The following ZNF81 variants were observed in gnomAD, a reference collection of about 807,000 sequenced individuals.
ZNF81 encodes the protein zinc finger protein 81 (HFZ20).
ZNF81 carries 5 observed loss-of-function variants against 32.3 expected under a neutral mutation model. The observed-to-expected ratio is 0.15, with a 90% CI of 0.08 to 0.33. The LOEUF is 0.33. ZNF81 is among the 10% of genes least tolerant of loss of function. The probability of loss-of-function intolerance (pLI) is 1.00; values close to 1 mark genes in which losing one functional copy is unlikely to be tolerated. For missense variants in ZNF81, 379 were observed against 479.8 expected (o/e 0.79, Z 1.96); for synonymous variants, 163 against 166.8 (o/e 0.98, Z 0.17).
intron 1 of ZNF81, among the ~76,000 whole-genome samples, chrX:47,840,461 C>T (rs1431869532): frequency 9.1e-6 from 1 of 110,287 alleles, no homozygotes; most frequent in Non-Finnish European, 1.9e-5. Flanking sequence ...TTGCCATGAA[C>T]ATAAGCTACT....
At chrX:47,889,313 T>A (rs1556886216) in intron 3 of ZNF81, among the ~76,000 whole-genome samples, 2 of 112,422 alleles carry the variant, frequency 1.8e-5, no homozygotes, top group African/African-American at 6.5e-5. Context: ...GCTGTTGGAC[T>A]TCTGGGATTC....
At position 47,916,161 on chromosome X, in the gene ZNF81, G is replaced by A; in HGVS notation, c.1515G>A (p.Lys505=). Reference sequence around the variant, plus strand: ...CCTATATATGCACTGAATGTGGGAAGGCTTTCACCAACAGGTCAAATCTCA... The same window carrying A: ...CCTATATATGCACTGAATGTGGGAAAGCTTTCACCAACAGGTCAAATCTCA... ...EKPYICTECG[K]AFTNRSNLNT... The change falls in exon 5 of 5, where the codon AAG becomes AAA. Residue 505 remains lysine, a synonymous_variant. Transcript: ENST00000338637. 8.3e-7 allele frequency: 1 copy of A among 1,211,365 alleles called. No individual in the cohort carries two copies. Among genetic ancestry groups the A allele is most frequent in the Non-Finnish European group, 1.1e-6 (1 of 895,392 alleles).
At chrX:47,877,613 G>C (rs1183687347) in intron 2 of ZNF81, among the ~76,000 whole-genome samples, 1 of 111,851 alleles carries the variant, frequency 8.9e-6, no homozygotes, top group African/African-American at 3.3e-5. Flanking sequence ...GGATGCCTCA[G>C]TTCTACAGCC....
At position 47,888,513 on chromosome X, in the gene ZNF81, C is replaced by T. The variant is rs140656849; in HGVS notation, c.181+388C>T. Among the ~76,000 whole-genome samples the T allele has an allele frequency of 3.2e-3, 354 of 111,093 alleles. 1 individual carries two copies. Among genetic ancestry groups the T allele is most frequent in the African/African-American group, 0.011 (346 of 30,595 alleles). ...AAGAGAGGCCTGGAACAGTTCCTTC[C>T]CTAGCACCTTCAAAGAGAGTATGGC... On this transcript the variant is annotated intron_variant, in intron 3 of 4. Coordinates refer to ENST00000338637, the MANE Select transcript of ZNF81 (RefSeq NM_007137.5).
chrX:47,916,451 G>A lies in ZNF81; in HGVS notation c.1805G>A (p.Arg602Gln). 1 of 1,210,769 alleles carries A rather than the reference G, an allele frequency of 8.3e-7. No homozygotes were observed. The change falls in exon 5 of 5, where the codon CGA becomes CAA. Residue 602 changes from arginine to glutamine, a missense_variant. Arg to Gln is a conservative substitution (Grantham distance 43). This residue lies in a region of ZNF81 where 102 missense variants were observed against 173.2 expected (regional missense o/e 0.59). Transcript: ENST00000338637. ...AAACCACATCTCAAAGTACATCAAC[G>A]AATTCACACAGGGGAGAAACCATAT... ...SKKPHLKVHQRIHTGEKPYIC... is the reference protein window; with the variant it reads ...SKKPHLKVHQQIHTGEKPYIC...
chrX:47,855,249 T>C (rs2058512236), intron 2 of ZNF81, among the ~76,000 whole-genome samples: 1 of 110,578 alleles, frequency 9.0e-6, no homozygotes, highest in Non-Finnish European at 1.9e-5. Context: ...ATAATAATAA[T>C]GAAAATGTTT....
In ZNF81 at chrX:47,920,508, T is replaced by C. The variant is rs1269079663; in HGVS notation, c.*3876T>C. 3.6e-5 allele frequency: 4 copies of C among 110,546 alleles called. No homozygotes were observed. The highest frequency in any genetic ancestry group is 1.3e-4 in the African/African-American group (4 of 30,364). 9.1% of individuals were successfully genotyped at this position (110,546 alleles called of 1,213,427 possible). On this transcript the variant is annotated 3_prime_UTR_variant, in exon 5 of 5. Coordinates refer to ENST00000338637, the MANE Select transcript of ZNF81 (RefSeq NM_007137.5). ...GGCCCAGGATGATTTCCTGCCCTTTTATCATGGGTGGAATTTTTTTTTCCA... is the reference window on the plus strand; with the variant it reads ...GGCCCAGGATGATTTCCTGCCCTTTCATCATGGGTGGAATTTTTTTTTCCA...
intron 4 of ZNF81, among the ~76,000 whole-genome samples, chrX:47,899,889 A>C (rs1556887701): frequency 9.0e-6 from 1 of 110,815 alleles, no homozygotes. Flanking sequence ...CTGAGAGCAT[A>C]CTCTTTATGA....
chrX:47,919,438 C>A lies in ZNF81; in HGVS notation c.*2806C>A. 1 of 207,623 alleles carries A rather than the reference C, an allele frequency of 4.8e-6. No individual in the cohort carries two copies. The highest frequency in any genetic ancestry group is 9.1e-6 in the Non-Finnish European group (1 of 110,320). The allele number at this position is 207,623 out of a possible 1,213,427, so 17.1% of individuals were successfully genotyped here. A position where few individuals can be genotyped will look rare whatever the true frequency, so the allele number is the denominator to read the frequency against. ...TTTGATTCTTACAATTTTCATATAT[C>A]TGCTGAAATTCCCCATCTTTTCATG... On this transcript the variant is annotated 3_prime_UTR_variant, in exon 5 of 5. Coordinates refer to ENST00000338637, the MANE Select transcript of ZNF81 (RefSeq NM_007137.5).
rs1556892310 is a variant in ZNF81 at position 47,923,610 on chromosome X, T to C, written c.*6978T>C. On this transcript the variant is annotated 3_prime_UTR_variant, in exon 5 of 5. Coordinates refer to ENST00000338637, the MANE Select transcript of ZNF81 (RefSeq NM_007137.5). The stretch of plus-strand genomic sequence containing the variant: ...TGATGAATGCTATTTTGGAAGTAAA[T>C]TTAAACAAAGCAATTGAGCAAACTC... Among the ~76,000 whole-genome samples, 1 of 111,925 alleles carries C rather than the reference T, an allele frequency of 8.9e-6. No individual in the cohort carries two copies. Among genetic ancestry groups the C allele is most frequent in the African/African-American group, 3.3e-5 (1 of 30,741 alleles).
chrX:47,879,834 C>T (rs1556884944), intron 2 of ZNF81, among the ~76,000 whole-genome samples: 1 of 111,799 alleles, frequency 8.9e-6, no homozygotes, highest in African/African-American at 3.3e-5. Context: ...CTCTCAAGTC[C>T]CTTTTAATCT....
intron 2 of ZNF81, among the ~76,000 whole-genome samples, chrX:47,858,673 T>C (rs1175679708): frequency 8.9e-6 from 1 of 111,818 alleles, no homozygotes; most frequent in Non-Finnish European, 1.9e-5. Flanking sequence ...TCTGAATCTT[T>C]GTTCATTTTT....
rs1369304354 is a variant in ZNF81 at position 47,919,348 on chromosome X, C to T, written c.*2716C>T. On this transcript the variant is annotated 3_prime_UTR_variant, in exon 5 of 5. Transcript: ENST00000338637. Reference sequence around the variant, plus strand: ...TCTCACCCTGGCTTTGTCAAGTCTACTGCTGAACCCATTGAAGGCATTCTT... The same window carrying T: ...TCTCACCCTGGCTTTGTCAAGTCTATTGCTGAACCCATTGAAGGCATTCTT... The T allele has an allele frequency of 1.9e-5, 4 of 209,544 alleles. No individual in the cohort carries two copies. Among genetic ancestry groups the T allele is most frequent in the African/African-American group, 1.2e-4 (4 of 33,961 alleles). 17.3% of individuals were successfully genotyped at this position (209,544 alleles called of 1,213,427 possible).
chrX:47,855,926 G>T lies in ZNF81; in HGVS notation c.54+9605G>T, dbSNP rs190351671. On this transcript the variant is annotated intron_variant, in intron 2 of 4. Transcript: ENST00000338637. The stretch of plus-strand genomic sequence containing the variant: ...TAGCCAGGCGTGATGGTGCACGCCT[G>T]TAATCCCACCTACCCAGGAGGCTGA... Among the ~76,000 whole-genome samples, 181 of 107,943 alleles carry T rather than the reference G, an allele frequency of 1.7e-3. No homozygotes were observed. The Middle Eastern group carries it at 0.024, about 14-fold the overall frequency. 93.7% of individuals were successfully genotyped at this position (107,943 alleles called of 115,157 possible). A position where few individuals can be genotyped will look rare whatever the true frequency, so the allele number is the denominator to read the frequency against.
chrX:47,869,685 T>C lies in ZNF81; in HGVS notation c.55-18314T>C, dbSNP rs1232863024. On this transcript the variant is annotated intron_variant, in intron 2 of 4. Coordinates refer to ENST00000338637, the MANE Select transcript of ZNF81 (RefSeq NM_007137.5). ...GTATTTTTTGTTTTTTTTTATTTTG[T>C]TTTGTTTTGTTTTGTTTTCCCTTTT... Among the ~76,000 whole-genome samples the C allele has an allele frequency of 2.7e-5, 3 of 110,543 alleles. No homozygotes were observed. The East Asian group carries it at 8.5e-4, about 31-fold the overall frequency.
chrX:47,882,120 C>T (rs907852642), intron 2 of ZNF81, among the ~76,000 whole-genome samples: 1 of 110,665 alleles, frequency 9.0e-6, no homozygotes, highest in South Asian at 3.8e-4. Context: ...TACTGAATTG[C>T]CCAGATCTTA....
intron 2 of ZNF81, among the ~76,000 whole-genome samples, chrX:47,862,027 A>T (rs1008254156): frequency 1.8e-5 from 2 of 111,369 alleles, no homozygotes; most frequent in Non-Finnish European, 3.8e-5. Context: ...GGTACACATA[A>T]ATAACAAGCC....
rs1556892543 is a variant in ZNF81 at position 47,925,598 on chromosome X, A to G, written c.*8966A>G. 8.9e-6 allele frequency among the ~76,000 whole-genome samples: 1 copy of G among 112,366 alleles called. No individual in the cohort carries two copies. Among genetic ancestry groups the G allele is most frequent in the Non-Finnish European group, 1.9e-5 (1 of 53,228 alleles). On this transcript the variant is annotated 3_prime_UTR_variant, in exon 5 of 5. Coordinates refer to ENST00000338637, the MANE Select transcript of ZNF81 (RefSeq NM_007137.5). ...GTATTTCCAGCTTTTGGCTATTACAAATAAAACTGATGTGAACATTTGTTT... is the reference window on the plus strand; with the variant it reads ...GTATTTCCAGCTTTTGGCTATTACAGATAAAACTGATGTGAACATTTGTTT...
chrX:47,864,878 G>A (rs2058554298), intron 2 of ZNF81, among the ~76,000 whole-genome samples: 1 of 112,503 alleles, frequency 8.9e-6, no homozygotes, highest in Admixed American at 9.4e-5. Context: ...AGACTGAAAA[G>A]CTATGCCATT....
Sources: gnomAD v4.1 joint callset for allele counts (sites outside exome capture counted in the v4.1 genomes callset) on GRCh38, gnomAD v4.1.1 for gene constraint, gnomAD v4.1.1 regional missense constraint, MANE v1.5 for transcripts, NCBI Gene and HGNC (gene_info 2026-07-23, HGNC 2026-07-21) for gene names.